The following CRMP1 variants were observed in gnomAD, a reference collection of about 807,000 sequenced individuals.
CRMP1 encodes the protein collapsin response mediator protein 1.
Under a neutral mutation model 68.3 loss-of-function variants are expected in CRMP1, and 19 were observed. That is an observed-to-expected ratio of 0.28 (90% CI 0.19 to 0.41). The LOEUF is 0.41. Ranked by LOEUF, CRMP1 falls within the 10% of genes least tolerant of loss-of-function variation. CRMP1 has a pLI of 1.00. For synonymous variants in CRMP1, 439 were observed against 399.6 expected, an observed-to-expected ratio of 1.10 and a Z score of -1.18; for missense variants, 791 against 967.4, an observed-to-expected ratio of 0.82 and a Z score of 2.42.
intron 1 of CRMP1, among the ~76,000 whole-genome samples, chr4:5,886,045 C>T (rs545541804): frequency 1.4e-4 from 22 of 152,312 alleles, no homozygotes; most frequent in Non-Finnish European, 2.8e-4. Flanking sequence ...ATGAAAGGTC[C>T]TATACAGTGA....
chr4:5,826,912 C>T, intron 12 of CRMP1: 1 of 153,040 alleles, frequency 6.5e-6, no homozygotes, highest in Non-Finnish European at 1.5e-5. Context: ...TGTCAACGGC[C>T]CTCCCCTCTG....
chr4:5,839,137 T>C (rs574572796), intron 9 of CRMP1, among the ~76,000 whole-genome samples: 31 of 152,342 alleles, frequency 2.0e-4, no homozygotes, highest in African/African-American at 6.5e-4. Context: ...ACAGGTACTG[T>C]CTGCTTCCAC....
At position 5,888,098 on chromosome 4, in the gene CRMP1, C is replaced by T; in HGVS notation, c.381+4491G>A. ...GGCTGAAATCCCGAGACCGGCCCCGCCCCACCCGCGGCGACGCAGGAGGCC... is the reference window on the plus strand; with the variant it reads ...GGCTGAAATCCCGAGACCGGCCCCGTCCCACCCGCGGCGACGCAGGAGGCC... On this transcript the variant is annotated intron_variant, in intron 1 of 13. Transcript: ENST00000324989. The surrounding 1 kb of genome is among the most constrained non-coding windows in gnomAD (Gnocchi z 6.4). 9.2e-7 allele frequency: 1 copy of T among 1,091,136 alleles called. No homozygotes were observed. Among genetic ancestry groups the T allele is most frequent in the Non-Finnish European group, 1.2e-6 (1 of 863,820 alleles). The allele number at this position is 1,091,136 out of a possible 1,614,324, so 67.6% of individuals were successfully genotyped here. A position where few individuals can be genotyped will look rare whatever the true frequency, so the allele number is the denominator to read the frequency against.
Position 5,881,753 on chromosome 4 carries a change from G to A in CRMP1, c.381+10836C>T, listed in dbSNP as rs961996024. On this transcript the variant is annotated intron_variant, in intron 1 of 13. Transcript: ENST00000324989. The surrounding 1 kb of genome is among the most constrained non-coding windows in gnomAD (Gnocchi z 4.6). ...GTTGTAGCAAACATAAATTTTAAAC[G>A]CTGATCAAAATTTAGCCACACATCG... Among the ~76,000 whole-genome samples, 2 of 152,036 alleles carry A rather than the reference G, an allele frequency of 1.3e-5. No individual in the cohort carries two copies. Among genetic ancestry groups the A allele is most frequent in the Non-Finnish European group, 2.9e-5 (2 of 68,020 alleles).
chr4:5,887,976 G>A (rs1366599725), intron 1 of CRMP1, among the ~76,000 whole-genome samples: 1 of 152,112 alleles, frequency 6.6e-6, no homozygotes, highest in Non-Finnish European at 1.5e-5. Context: ...TGGGGGGAGG[G>A]GGCGGCAAGC....
rs759443834 is a variant in CRMP1 at position 5,890,039 on chromosome 4, A to C, written c.381+2550T>G. On this transcript the variant is annotated intron_variant, in intron 1 of 13. Coordinates refer to ENST00000324989, the MANE Select transcript of CRMP1 (RefSeq NM_001014809.3). The surrounding 1 kb of genome is among the most constrained non-coding windows in gnomAD (Gnocchi z 5.5). ...CAGGTTCCCCTACACTCTGTTTACA[A>C]CTCATTTCCCTCCACGCATTCATGC... The C allele has an allele frequency of 4.9e-5, 32 of 655,108 alleles. No homozygotes were observed. The African/African-American group carries it at 5.8e-4, about 12-fold the overall frequency. 40.6% of individuals were successfully genotyped at this position (655,108 alleles called of 1,614,324 possible). A position where few individuals can be genotyped will look rare whatever the true frequency, so the allele number is the denominator to read the frequency against.
At chr4:5,837,092 T>C (rs1219746880) in intron 9 of CRMP1, among the ~76,000 whole-genome samples, 186 bp from the exon 10 acceptor site, 1 of 152,228 alleles carries the variant, frequency 6.6e-6, no homozygotes, top group Non-Finnish European at 1.5e-5. Flanking sequence ...TTTATGTCAC[T>C]GGCCTCATGC....
chr4:5,887,734 C>T, intron 1 of CRMP1: 1 of 985,320 alleles, frequency 1.0e-6, no homozygotes, highest in South Asian at 4.7e-5. Context: ...TCCACTCCAT[C>T]AGTAAAGGCG....
At chr4:5,868,329 T>A (rs1714192615) in intron 1 of CRMP1, among the ~76,000 whole-genome samples, 1 of 140,782 alleles carries the variant, frequency 7.1e-6, no homozygotes, top group South Asian at 2.2e-4. Flanking sequence ...TGAGACGGAG[T>A]CTCACTCTGT....
At chr4:5,878,952 G>A (rs1022229878) in intron 1 of CRMP1, among the ~76,000 whole-genome samples, 5 of 151,882 alleles carry the variant, frequency 3.3e-5, no homozygotes, top group Non-Finnish European at 4.4e-5. Flanking sequence ...ATACCTACCT[G>A]CTGACTTTCA....
At chr4:5,833,058 G>A (rs757834127) in intron 11 of CRMP1, among the ~76,000 whole-genome samples, 68 of 152,082 alleles carry the variant, frequency 4.5e-4, no homozygotes, top group Non-Finnish European at 9.1e-4. Flanking sequence ...TGCTGGGGAC[G>A]TCAGACGCTA....
At chr4:5,856,001 T>A in intron 4 of CRMP1, 142 bp downstream of exon 4, 1 of 930,906 alleles carries the variant, frequency 1.1e-6, no homozygotes, top group Non-Finnish European at 1.6e-6. Context: ...CTGGCCTGTT[T>A]CCTCACTGTC....
In CRMP1 at chr4:5,892,269, G is replaced by A. The variant is rs1005207476; in HGVS notation, c.381+320C>T. 6.6e-6 allele frequency among the ~76,000 whole-genome samples: 1 copy of A among 152,204 alleles called. No individual in the cohort carries two copies. Among genetic ancestry groups the A allele is most frequent in the African/African-American group, 2.4e-5 (1 of 41,466 alleles). Reference sequence around the variant, plus strand: ...TTAGATTCATCCCAGAGGTTCCTTCGCGTTTAAGCGTCCATGCGGTAGCTT... The same window carrying A: ...TTAGATTCATCCCAGAGGTTCCTTCACGTTTAAGCGTCCATGCGGTAGCTT... On this transcript the variant is annotated intron_variant, in intron 1 of 13. Transcript: ENST00000324989. The surrounding 1 kb of genome is among the most constrained non-coding windows in gnomAD (Gnocchi z 8.6).
chr4:5,851,099 C>T (rs1005177188), intron 5 of CRMP1, among the ~76,000 whole-genome samples: 4 of 152,196 alleles, frequency 2.6e-5, no homozygotes, highest in Non-Finnish European at 4.4e-5. Context: ...GAGTCCAACA[C>T]CCAACATCTG....
chr4:5,828,851 C>T (rs1720102645), intron 11 of CRMP1, among the ~76,000 whole-genome samples, 183 bp from the exon 12 acceptor site: 1 of 152,090 alleles, frequency 6.6e-6, no homozygotes, highest in Admixed American at 6.5e-5. Flanking sequence ...TAACCAACAA[C>T]TCACCGTTGC....
At position 5,825,581 on chromosome 4, in the gene CRMP1, T is replaced by G. The variant is rs1246743523; in HGVS notation, c.1882A>C (p.Thr628Pro). 2 of 1,600,056 alleles carry G rather than the reference T, an allele frequency of 1.2e-6. No homozygotes were observed. Among genetic ancestry groups the G allele is most frequent in the Admixed American group, 1.8e-5 (1 of 56,188 alleles). ...YEVPATPKYA[T>P]PAPSAKSSPS... ...GAAGATTTGGCTGAAGGAGCGGGAG[T>G]TGCATATTTGGGTGTAGCTGGTACC... Residue 628 changes from threonine (T) to proline (P), a missense_variant, in exon 13 of 14, where the codon ACT becomes CCT. This residue lies in a region of CRMP1 where 594 missense variants were observed against 763.6 expected (regional missense o/e 0.78). Transcript: ENST00000324989. The surrounding 1 kb of genome is among the most constrained non-coding windows in gnomAD (Gnocchi z 4.4).
chr4:5,867,683 T>G (rs553326835), intron 1 of CRMP1, among the ~76,000 whole-genome samples: 36 of 152,176 alleles, frequency 2.4e-4, no homozygotes, highest in African/African-American at 8.4e-4. Context: ...AGACAGATGT[T>G]TATCAAGTCA....
intron 5 of CRMP1, among the ~76,000 whole-genome samples, 185 bp downstream of exon 5, chr4:5,851,223 C>T (rs1712593301): frequency 6.6e-6 from 1 of 152,192 alleles, no homozygotes. Flanking sequence ...CTCACACAGT[C>T]AGAAAAGAAC....
Position 5,821,875 on chromosome 4 carries a change from C to T in CRMP1, c.1970-24G>A, listed in dbSNP as rs1718631343. 2.5e-6 allele frequency: 4 copies of T among 1,582,820 alleles called. No individual in the cohort carries two copies. In the East Asian group the frequency reaches 6.8e-5, roughly 27 times the overall value. ...ACCTGAAAGAGAGCGCCAATCGCTG[C>T]TGGATGGGATCTGTTAGCATCAGTT... On this transcript the variant is annotated intron_variant, in intron 13 of 13. Coordinates refer to ENST00000324989, the MANE Select transcript of CRMP1 (RefSeq NM_001014809.3). This position sits in a 1 kb window ranked among gnomAD's most constrained non-coding sequence, Gnocchi z 4.4.
Sources: allele counts gnomAD v4.1 joint callset (sites outside exome capture counted in the v4.1 genomes callset), GRCh38; gene constraint gnomAD v4.1.1; regional missense constraint gnomAD v4.1.1; non-coding constraint Gnocchi (gnomAD v3.1); transcripts MANE v1.5; gene names NCBI Gene and HGNC (gene_info 2026-07-23, HGNC 2026-07-21).